TLL1: variants seen among roughly 807,000 people sequenced by gnomAD.
TLL1 encodes tolloid like 1, also known as tolloid-like protein 1.
Under a neutral mutation model 128.2 loss-of-function variants are expected in TLL1, and 49 were observed. The ratio of observed to expected loss-of-function variants is 0.38; its 90% CI spans 0.30 to 0.48. The LOEUF is 0.48. Among genes scored for constraint, TLL1 ranks in the 20% least tolerant of loss-of-function variants. The pLI, the probability that TLL1 is intolerant of heterozygous loss-of-function variation, is 0.96. For missense variants in TLL1, 1,123 were observed against 1,242.0 expected, an observed-to-expected ratio of 0.90 and a Z score of 1.44; for synonymous variants, 454 against 418.8, an observed-to-expected ratio of 1.08 and a Z score of -1.03.
chr4:165,882,767 C>G (rs529502399), intron 1 of TLL1, among the ~76,000 whole-genome samples: 3 of 151,874 alleles, frequency 2.0e-5, no homozygotes, highest in Non-Finnish European at 4.4e-5. Flanking sequence ...TACAGGCATG[C>G]GCCACCACGC....
intron 1 of TLL1, among the ~76,000 whole-genome samples, chr4:165,899,423 C>T (rs1262874645): frequency 6.6e-6 from 1 of 152,090 alleles, no homozygotes; most frequent in East Asian, 1.9e-4. Context: ...TATGTTGTTT[C>T]TTTGTTCTCA....
At chr4:165,997,658 A>G (rs756425553) in intron 5 of TLL1, among the ~76,000 whole-genome samples, 39 of 152,180 alleles carry the variant, frequency 2.6e-4, no homozygotes, top group Non-Finnish European at 5.1e-4. Flanking sequence ...GTCAGCTCTT[A>G]TTCATTTAAC....
At position 166,075,047 on chromosome 4, in the gene TLL1, A is replaced by G. The variant is rs768166222; in HGVS notation, c.2314+44A>G. ...TTTTTTTGACAACATGTAGAATTTC[A>G]TGTGGTTTGGGTAAAGCACTGCTTC... On this transcript the variant is annotated intron_variant, in intron 17 of 20. Coordinates refer to ENST00000061240, the MANE Select transcript of TLL1 (RefSeq NM_012464.5). The G allele has an allele frequency of 1.9e-6, 3 of 1,608,350 alleles. No individual in the cohort carries two copies. The African/African-American group carries it at 4.0e-5, about 22-fold the overall frequency.
intron 1 of TLL1, among the ~76,000 whole-genome samples, chr4:165,944,721 T>C (rs1363643935): frequency 6.6e-6 from 1 of 151,980 alleles, no homozygotes. Flanking sequence ...ATGGTGACTC[T>C]TGTGGTGGTG....
chr4:165,922,768 T>C (rs1316185470), intron 1 of TLL1, among the ~76,000 whole-genome samples: 1 of 152,246 alleles, frequency 6.6e-6, no homozygotes, highest in East Asian at 1.9e-4. Context: ...TTTTGAGCAT[T>C]AGCTTATGCT....
chr4:166,025,328 C>G lies in TLL1; in HGVS notation c.1055C>G (p.Thr352Ser). ...KLYRCPACGE[T>S]LQESNGNLSS... is the part of the protein sequence containing the mutation. The stretch of plus-strand genomic sequence containing the variant: ...TTTTTCCTTTCAGCATGTGGAGAAA[C>G]TCTACAAGAATCCAATGGCAACCTT... Residue 352 changes from threonine (T) to serine (S), a missense_variant, in exon 9 of 21, where the codon ACT (threonine) becomes AGT (serine). Around this residue, in one of 3 missense-constraint regions of TLL1, gnomAD observed 480 missense variants for 542.4 expected, o/e 0.89. Transcript: ENST00000061240. 1 of 1,612,404 alleles carries G rather than the reference C, an allele frequency of 6.2e-7. No individual in the cohort carries two copies. The highest frequency in any genetic ancestry group is 1.1e-5 in the South Asian group (1 of 91,032).
chr4:165,955,820 GATTATCAGGGTAACCTGCCCCCAAT>G (rs1734759332), intron 1 of TLL1, among the ~76,000 whole-genome samples: 1 of 152,240 alleles, frequency 6.6e-6, no homozygotes, highest in African/African-American at 2.4e-5. Context: ...AACACTACCT[GATTATCAGGGTAACCTGCCCCCAAT>G]ATTTCAATGT....
At chr4:166,004,518 AC>A (rs1271277529) in intron 6 of TLL1, among the ~76,000 whole-genome samples, 1 of 152,078 alleles carries the variant, frequency 6.6e-6, no homozygotes, top group Non-Finnish European at 1.5e-5. Flanking sequence ...GAGAAAAGTG[AC>A]AGTAATTAGT....
intron 9 of TLL1, among the ~76,000 whole-genome samples, chr4:166,026,636 G>A (rs904707549): frequency 5.3e-5 from 8 of 151,998 alleles, no homozygotes; most frequent in Non-Finnish European, 7.4e-5. Flanking sequence ...GCGGCGAGCC[G>A]AGATGGCGCC....
At chr4:165,915,281 G>GA (rs1184469431) in intron 1 of TLL1, among the ~76,000 whole-genome samples, 5 of 151,594 alleles carry the variant, frequency 3.3e-5, no homozygotes, top group East Asian at 1.9e-4. Context: ...GATAGTCTGG[G>GA]AAAAAAAAGA....
intron 12 of TLL1, among the ~76,000 whole-genome samples, chr4:166,051,203 C>T (rs1020218277): frequency 1.3e-5 from 2 of 152,122 alleles, no homozygotes; most frequent in Admixed American, 6.5e-5. Context: ...TGTATCCATG[C>T]TTTAACTCAA....
intron 12 of TLL1, chr4:166,044,560 G>A: frequency 1.2e-6 from 1 of 807,076 alleles, no homozygotes; most frequent in South Asian, 2.1e-5. Flanking sequence ...TGTATTTTAT[G>A]CTCCAGACCA....
At chr4:165,972,960 A>G (rs1735690716) in intron 1 of TLL1, among the ~76,000 whole-genome samples, 1 of 114,364 alleles carries the variant, frequency 8.7e-6, no homozygotes, top group Non-Finnish European at 1.8e-5. Flanking sequence ...GGCTGAGAAT[A>G]GTATATTTGT....
rs758162016 is a variant in TLL1 at position 165,923,421 on chromosome 4, CTTTTTTTT to C, written c.169+49366_169+49373del. ...AAGTGCATCGGAAATATAGGTATACCTTTTTTTTTTTTTTTTTTTTTTTTTGAGACAGA... is the reference window on the plus strand; with the variant it reads ...AAGTGCATCGGAAATATAGGTATACCTTTTTTTTTTTTTTTTTGAGACAGA... On this transcript the variant is annotated intron_variant, in intron 1 of 20. Transcript: ENST00000061240. Among the ~76,000 whole-genome samples, 42 of 70,846 alleles carry C rather than the reference CTTTTTTTT, an allele frequency of 5.9e-4. 1 individual carries two copies. Among genetic ancestry groups the C allele is most frequent in the East Asian group, 4.9e-3 (6 of 1,236 alleles). 46.5% of individuals were successfully genotyped at this position (70,846 alleles called of 152,430 possible).
chr4:165,981,757 T>C (rs894036078), intron 1 of TLL1, among the ~76,000 whole-genome samples: 7 of 152,080 alleles, frequency 4.6e-5, no homozygotes, highest in Admixed American at 6.6e-5. Flanking sequence ...GTTTTGTTGC[T>C]ACCAGGATGC....
chr4:166,057,807 C>G (rs187996832), intron 14 of TLL1, among the ~76,000 whole-genome samples: 1 of 152,128 alleles, frequency 6.6e-6, no homozygotes, highest in Admixed American at 6.5e-5. Flanking sequence ...TTCTCACTAT[C>G]GTGAGAACAG....
At chr4:166,018,179 A>C (rs1254380422) in intron 8 of TLL1, among the ~76,000 whole-genome samples, 2 of 152,136 alleles carry the variant, frequency 1.3e-5, no homozygotes, top group Non-Finnish European at 2.9e-5. Flanking sequence ...AAGGCAGACA[A>C]AAACAAGCAA....
At chr4:166,090,007 A>G (rs1285201919) in intron 18 of TLL1, among the ~76,000 whole-genome samples, 1 of 152,054 alleles carries the variant, frequency 6.6e-6, no homozygotes, top group African/African-American at 2.4e-5. Flanking sequence ...AGCAATTTTT[A>G]GTCTCTTTTG....
intron 7 of TLL1, among the ~76,000 whole-genome samples, chr4:166,012,043 G>A (rs1397253211): frequency 1.3e-5 from 2 of 151,506 alleles, no homozygotes; most frequent in Non-Finnish European, 3.0e-5. Context: ...GAACAGGAAT[G>A]TATCTATAGG....
Sources: allele counts gnomAD v4.1 joint callset (sites outside exome capture counted in the v4.1 genomes callset), GRCh38; gene constraint gnomAD v4.1.1; regional missense constraint gnomAD v4.1.1; transcripts MANE v1.5; gene names NCBI Gene and HGNC (gene_info 2026-07-23, HGNC 2026-07-21).